Variants in CNOT6 observed in about 807,000 individuals in gnomAD.
CNOT6 encodes the protein carbon catabolite repression 4 protein.
CNOT6 carries 12 observed loss-of-function variants against 61.2 expected under a neutral mutation model. The observed-to-expected ratio is 0.20, with a 90% CI of 0.13 to 0.32. The LOEUF (loss-of-function observed/expected upper bound fraction) is 0.32. Ranked by LOEUF, CNOT6 falls within the 10% of genes least tolerant of loss-of-function variation. The pLI, the probability that CNOT6 is intolerant of heterozygous loss-of-function variation, is 1.00. For synonymous variants in CNOT6, 225 were observed against 240.6 expected (o/e 0.94, Z 0.60); for missense variants, 405 against 663.9 (o/e 0.61, Z 4.28).
intron 2 of CNOT6, among the ~76,000 whole-genome samples, chr5:180,530,873 C>G (rs1384971057): frequency 2.0e-5 from 3 of 152,082 alleles, no homozygotes; most frequent in Non-Finnish European, 4.4e-5. Context: ...TCAGAGAGCA[C>G]GGGGTTGGGG....
At chr5:180,570,560 G>C (rs1760696185) in intron 10 of CNOT6, among the ~76,000 whole-genome samples, 1 of 152,108 alleles carries the variant, frequency 6.6e-6, no homozygotes. Flanking sequence ...AGTATCTGAG[G>C]AGTAAAGAGA....
intron 3 of CNOT6, among the ~76,000 whole-genome samples, chr5:180,552,732 G>A (rs367692250): frequency 6.6e-5 from 10 of 151,988 alleles, no homozygotes; most frequent in South Asian, 2.1e-4. Context: ...CTTTCCCCGC[G>A]TGTCCCCCCG....
chr5:180,568,553 AATAAATAAATAAATAAAT>A (rs1760583135), intron 9 of CNOT6, among the ~76,000 whole-genome samples: 1 of 150,888 alleles, frequency 6.6e-6, no homozygotes, highest in African/African-American at 2.4e-5. Flanking sequence ...CTCCTCAAAA[AATAAATAAATAAATAAAT>A]ATAAATAAAT....
chr5:180,511,798 T>G (rs1757410065), intron 1 of CNOT6, among the ~76,000 whole-genome samples: 1 of 152,016 alleles, frequency 6.6e-6, no homozygotes, highest in Admixed American at 6.6e-5. Flanking sequence ...AATAAAAAAT[T>G]TTTTTGAGCG....
chr5:180,569,361 T>C, intron 10 of CNOT6, 21 bp downstream of exon 10: 1 of 1,488,654 alleles, frequency 6.7e-7, no homozygotes, highest in East Asian at 2.3e-5. Context: ...AATGTGATTT[T>C]ATGTAGAATA....
At chr5:180,536,681 G>A (rs1186775073) in intron 2 of CNOT6, among the ~76,000 whole-genome samples, 3 of 152,144 alleles carry the variant, frequency 2.0e-5, no homozygotes, top group Non-Finnish European at 4.4e-5. Context: ...TGCCATCTCG[G>A]CTCACTGCAG....
At chr5:180,500,101 T>C (rs1248594052) in intron 1 of CNOT6, among the ~76,000 whole-genome samples, 1 of 116,176 alleles carries the variant, frequency 8.6e-6, no homozygotes, top group African/African-American at 2.7e-5. Flanking sequence ...TCTTTTCTTT[T>C]TTTTTCCCCC....
At chr5:180,504,401 G>T (rs1490421628) in intron 1 of CNOT6, among the ~76,000 whole-genome samples, 1 of 152,170 alleles carries the variant, frequency 6.6e-6, no homozygotes, top group Non-Finnish European at 1.5e-5. Flanking sequence ...CCAAGTCATT[G>T]TGTATCTGAA....
At chr5:180,508,123 GCT>G in intron 1 of CNOT6, among the ~76,000 whole-genome samples, 1 of 152,300 alleles carries the variant, frequency 6.6e-6, no homozygotes, top group South Asian at 2.1e-4. Context: ...TGTTGGAATA[GCT>G]CAGGTAAGAG....
intron 3 of CNOT6, among the ~76,000 whole-genome samples, chr5:180,552,749 C>A (rs890016696): frequency 2.6e-5 from 4 of 152,070 alleles, no homozygotes; most frequent in Non-Finnish European, 5.9e-5. Flanking sequence ...CCCGGCTCAC[C>A]CTTGAAGGTT....
chr5:180,556,872 C>G (rs1344985184), intron 4 of CNOT6, among the ~76,000 whole-genome samples: 1 of 151,700 alleles, frequency 6.6e-6, no homozygotes, highest in African/African-American at 2.4e-5. Flanking sequence ...GGGAGAATAG[C>G]GTGAACCTGG....
At chr5:180,496,124 G>A (rs1470122652) in intron 1 of CNOT6, among the ~76,000 whole-genome samples, 1 of 152,090 alleles carries the variant, frequency 6.6e-6, no homozygotes, top group Non-Finnish European at 1.5e-5. Context: ...GCTGGTCTCC[G>A]ACTCCAGGGC....
At chr5:180,548,625 G>A (rs1759433618) in intron 2 of CNOT6, among the ~76,000 whole-genome samples, 1 of 152,162 alleles carries the variant, frequency 6.6e-6, no homozygotes, top group African/African-American at 2.4e-5. Flanking sequence ...CAGTTATAGG[G>A]TCTACCCTGT....
chr5:180,554,335 T>A (rs1759769899), intron 4 of CNOT6, among the ~76,000 whole-genome samples: 1 of 151,886 alleles, frequency 6.6e-6, no homozygotes, highest in South Asian at 2.1e-4. Context: ...TGAGACTTGC[T>A]TGAACCTGGG....
chr5:180,553,044 C>T (rs1759701059), intron 3 of CNOT6, among the ~76,000 whole-genome samples: 1 of 152,166 alleles, frequency 6.6e-6, no homozygotes, highest in African/African-American at 2.4e-5. Flanking sequence ...GGTCTGTGAC[C>T]TGGTGCCAGT....
chr5:180,511,915 C>A (rs1265693475), intron 1 of CNOT6, among the ~76,000 whole-genome samples: 1 of 152,366 alleles, frequency 6.6e-6, no homozygotes, highest in South Asian at 2.1e-4. Flanking sequence ...TGCCACTGCT[C>A]CTGGCTCCAT....
intron 2 of CNOT6, among the ~76,000 whole-genome samples, chr5:180,547,860 A>G (rs1759395401): frequency 6.6e-6 from 1 of 151,922 alleles, no homozygotes; most frequent in Non-Finnish European, 1.5e-5. Flanking sequence ...CAGCCTCCCT[A>G]GAAGCTGGGA....
chr5:180,497,325 C>CAA lies in CNOT6; in HGVS notation c.-3+2578_-3+2579dup, dbSNP rs111362029. Among the ~76,000 whole-genome samples the CAA allele has an allele frequency of 2.7e-3, 341 of 126,002 alleles. 5 individuals are homozygous for CAA. The highest frequency in any genetic ancestry group is 6.0e-3 in the African/African-American group (202 of 33,940). 82.7% of individuals were successfully genotyped at this position (126,002 alleles called of 152,430 possible). ...CTGGGCAACGAGTGAAACTCCGTCT[C>CAA]AAAAAAAAAAAAAAAAAGTATGCAT... On this transcript the variant is annotated intron_variant, in intron 1 of 11. Transcript: ENST00000261951.
At chr5:180,509,048 CTGACCTCG>C (rs1003453519) in intron 1 of CNOT6, among the ~76,000 whole-genome samples, 3 of 152,148 alleles carry the variant, frequency 2.0e-5, no homozygotes, top group African/African-American at 7.2e-5. Flanking sequence ...TCTCAAACTC[CTGACCTCG>C]TGATCCACCT....
Sources: gnomAD v4.1 joint callset for allele counts (sites outside exome capture counted in the v4.1 genomes callset) on GRCh38, gnomAD v4.1.1 for gene constraint, MANE v1.5 for transcripts, NCBI Gene and HGNC (gene_info 2026-07-23, HGNC 2026-07-21) for gene names.